The following ANKRD55 variants were observed in gnomAD, a reference collection of about 807,000 sequenced individuals.
ANKRD55 encodes the protein ankyrin repeat domain-containing protein 55.
Under a neutral mutation model 60.6 loss-of-function variants are expected in ANKRD55, and 41 were observed. The ratio of observed to expected loss-of-function variants is 0.68; its 90% CI spans 0.53 to 0.88. ANKRD55 has a LOEUF of 0.88. Among genes scored for constraint, ANKRD55 ranks in the 40% least tolerant of loss-of-function variants. The probability of loss-of-function intolerance (pLI) is 0.00; values close to 1 mark genes in which losing one functional copy is unlikely to be tolerated. For synonymous variants in ANKRD55, 264 were observed against 290.3 expected (o/e 0.91, Z 0.92); for missense variants, 732 against 767.6 (o/e 0.95, Z 0.55).
At chr5:56,111,902 T>C (rs149848356) in intron 9 of ANKRD55, 120 bp from the exon 10 acceptor site, 18 of 967,014 alleles carry the variant, frequency 1.9e-5, no homozygotes, top group Middle Eastern at 3.6e-4. Context: ...CCTTCCTAGA[T>C]ACCTCCAAAG....
At chr5:56,205,788 TA>T (rs1032885709) in intron 2 of ANKRD55, among the ~76,000 whole-genome samples, 12 of 152,046 alleles carry the variant, frequency 7.9e-5, no homozygotes, top group Admixed American at 6.6e-4. Flanking sequence ...AAAACAAGTG[TA>T]ATTTGGGTGG....
rs1318876458 is a variant in ANKRD55, at chr5:56,226,816, A to G, written c.58+6040T>C. On this transcript the variant is annotated intron_variant, in intron 2 of 11. Transcript: ENST00000341048. ...CCATCTCACACCAGTTAGAATGGCA[A>G]TCATTAACAAGTCAGGAAACAACAG... Among the ~76,000 whole-genome samples the G allele has an allele frequency of 2.0e-5, 3 of 151,934 alleles. No homozygotes were observed. In the East Asian group the frequency reaches 5.8e-4, roughly 29 times the overall value.
At chr5:56,141,274 AT>A (rs34561010) in intron 7 of ANKRD55, among the ~76,000 whole-genome samples, 27,517 of 151,328 alleles carry the variant, frequency 0.18, 2,993 homozygotes, top group Middle Eastern at 0.35. Context: ...CAATACAAAT[AT>A]TTTTTTTAAG....
chr5:56,166,146 CTTTCTTT>C lies in ANKRD55; in HGVS notation c.422+4541_422+4547del, dbSNP rs1349047133. Among the ~76,000 whole-genome samples, 78 of 91,404 alleles carry C rather than the reference CTTTCTTT, an allele frequency of 8.5e-4. 1 individual carries two copies. The highest frequency in any genetic ancestry group is 3.8e-3 in the African/African-American group (52 of 13,546). The allele number at this position is 91,404 out of a possible 152,430, so 60.0% of individuals were successfully genotyped here. On this transcript the variant is annotated intron_variant, in intron 5 of 11. Transcript: ENST00000341048. ...TCTTTCTTTCTTTCTTTCTTTCTTT[CTTTCTTT>C]CTTCTTTCCTTCCTTCCTTCCTTCC...
At chr5:56,206,216 A>AT (rs745608979) in intron 2 of ANKRD55, among the ~76,000 whole-genome samples, 1 of 151,504 alleles carries the variant, frequency 6.6e-6, no homozygotes, top group Non-Finnish European at 1.5e-5. Context: ...GGCTCAAGTG[A>AT]TTTTCCTCCC....
intron 7 of ANKRD55, among the ~76,000 whole-genome samples, chr5:56,131,139 C>T (rs72767211): frequency 0.035 from 5,217 of 150,044 alleles, 130 homozygotes; most frequent in Non-Finnish European, 0.054. Flanking sequence ...ACACCAAGCA[C>T]GATAAATGCC....
intron 7 of ANKRD55, 101 bp downstream of exon 7, chr5:56,143,700 G>A (rs1757825889): frequency 6.6e-7 from 1 of 1,506,418 alleles, no homozygotes; most frequent in East Asian, 2.3e-5. Flanking sequence ...GCTGAATCAA[G>A]AGCTGAAACC....
intron 2 of ANKRD55, chr5:56,192,718 T>A: frequency 7.3e-7 from 1 of 1,372,426 alleles, no homozygotes; most frequent in Non-Finnish European, 1.0e-6. Context: ...ATGGACAGAA[T>A]CATCTAGGAG....
chr5:56,113,919 A>T (rs1756810900), intron 9 of ANKRD55, among the ~76,000 whole-genome samples: 1 of 150,872 alleles, frequency 6.6e-6, no homozygotes, highest in South Asian at 2.1e-4. Context: ...CAAAGTGTGG[A>T]GGTTACAGGC....
At chr5:56,141,132 T>G (rs1466712187) in intron 7 of ANKRD55, among the ~76,000 whole-genome samples, 3 of 133,550 alleles carry the variant, frequency 2.2e-5, no homozygotes, top group African/African-American at 6.4e-5. Context: ...CACACACAGT[T>G]TTTTTTTTTT....
chr5:56,218,249 G>A (rs1433887426), intron 2 of ANKRD55, among the ~76,000 whole-genome samples: 1 of 152,176 alleles, frequency 6.6e-6, no homozygotes, highest in Non-Finnish European at 1.5e-5. Flanking sequence ...AGTAGTGGTA[G>A]GGTTGGAGAG....
chr5:56,131,174 A>C (rs1449550622), intron 7 of ANKRD55, among the ~76,000 whole-genome samples: 1 of 152,128 alleles, frequency 6.6e-6, no homozygotes, highest in Non-Finnish European at 1.5e-5. Context: ...AAAACAACAA[A>C]ACAAACAAAA....
intron 10 of ANKRD55, 103 bp from the exon 11 acceptor site, chr5:56,102,689 A>T: frequency 1.4e-6 from 1 of 735,132 alleles, no homozygotes; most frequent in South Asian, 1.7e-5. Context: ...AGATCACTAA[A>T]TTTAAGGTGG....
At chr5:56,194,684 T>C (rs1400589470) in intron 2 of ANKRD55, among the ~76,000 whole-genome samples, 1 of 152,208 alleles carries the variant, frequency 6.6e-6, no homozygotes, top group Admixed American at 6.5e-5. Flanking sequence ...TTAATATTAA[T>C]TTACTCAAAG....
intron 2 of ANKRD55, among the ~76,000 whole-genome samples, chr5:56,203,820 G>A (rs1344221686): frequency 6.6e-6 from 1 of 152,152 alleles, no homozygotes; most frequent in Non-Finnish European, 1.5e-5. Flanking sequence ...CTTTATAGCA[G>A]CATGATTTAT....
At chr5:56,127,714 G>T in intron 7 of ANKRD55, 1 of 341,242 alleles carries the variant, frequency 2.9e-6, no homozygotes, top group Non-Finnish European at 4.1e-6. Context: ...AAGATAAAGT[G>T]AGAATTTCCA....
intron 2 of ANKRD55, among the ~76,000 whole-genome samples, chr5:56,217,234 G>C (rs955761294): frequency 1.3e-5 from 2 of 152,194 alleles, no homozygotes; most frequent in African/African-American, 4.8e-5. Flanking sequence ...CTACTATTGA[G>C]ACCTACTGGT....
chr5:56,160,074 A>G (rs1758288966), intron 5 of ANKRD55, among the ~76,000 whole-genome samples, 181 bp from the exon 6 acceptor site: 1 of 152,156 alleles, frequency 6.6e-6, no homozygotes, highest in African/African-American at 2.4e-5. Context: ...GTGATAGGTT[A>G]GAAGACACCT....
intron 10 of ANKRD55, among the ~76,000 whole-genome samples, chr5:56,108,787 C>T (rs1756575728): frequency 6.6e-6 from 1 of 152,158 alleles, no homozygotes; most frequent in Admixed American, 6.5e-5. Context: ...GCCTGTAATC[C>T]CAGCATTTTG....
Sources: gnomAD v4.1 joint callset for allele counts (sites outside exome capture counted in the v4.1 genomes callset) on GRCh38, gnomAD v4.1.1 for gene constraint, MANE v1.5 for transcripts, NCBI Gene and HGNC (gene_info 2026-07-23, HGNC 2026-07-21) for gene names.